COPG2: variants seen among roughly 807,000 people sequenced by gnomAD.
COPG2 encodes coatomer subunit gamma-2.
A neutral mutation model predicts 46.3 loss-of-function variants in COPG2; 37 were observed. The ratio of observed to expected loss-of-function variants is 0.80; its 90% CI spans 0.61 to 1.05. The LOEUF (loss-of-function observed/expected upper bound fraction) is 1.05. Among genes scored for constraint, COPG2 ranks in the 50% least tolerant of loss-of-function variants. The pLI, the probability that COPG2 is intolerant of heterozygous loss-of-function variation, is 0.00. For missense variants in COPG2, 427 were observed against 387.8 expected (o/e 1.10, Z -0.85); for synonymous variants, 159 against 129.7 (o/e 1.23, Z -1.53).
At chr7:130,583,352 G>A (rs1445940466) in intron 9 of COPG2, among the ~76,000 whole-genome samples, 1 of 150,090 alleles carries the variant, frequency 6.7e-6, no homozygotes, top group Admixed American at 6.7e-5. Flanking sequence ...TGTGGGGGGT[G>A]GGGGGAGTGG....
chr7:130,569,909 G>C (rs1793867180), intron 9 of COPG2, among the ~76,000 whole-genome samples: 2 of 152,104 alleles, frequency 1.3e-5, no homozygotes, highest in African/African-American at 4.8e-5. Context: ...ACATACGCAA[G>C]TCAATAAATG....
chr7:130,609,663 G>A (rs781893212), intron 9 of COPG2, among the ~76,000 whole-genome samples: 3 of 151,920 alleles, frequency 2.0e-5, no homozygotes, highest in Non-Finnish European at 4.4e-5. Flanking sequence ...TATTCCCTAG[G>A]CTTCAGATGT....
At chr7:130,654,570 A>G (rs1021102668) in intron 4 of COPG2, among the ~76,000 whole-genome samples, 1 of 152,214 alleles carries the variant, frequency 6.6e-6, no homozygotes, top group African/African-American at 2.4e-5. Context: ...ATGTATATAT[A>G]CACATATGTT....
At chr7:130,649,101 C>A (rs1299974549) in intron 5 of COPG2, among the ~76,000 whole-genome samples, 10 of 152,290 alleles carry the variant, frequency 6.6e-5, no homozygotes, top group Admixed American at 4.6e-4. Context: ...TAGATAATCC[C>A]ATCTCTATTT....
Position 130,540,382 on chromosome 7 carries a change from C to T in COPG2, c.2149+7292G>A, listed in dbSNP as rs1385345903. ...AACAAAGGGGGAAGTTTCTGCAGGC[C>T]GATCTTGTAAGGGATCTGAAAAAAG... is the stretch of plus-strand genomic sequence containing the variant. On this transcript the variant is annotated intron_variant, in intron 20 of 23. Transcript: ENST00000425248. 1.3e-4 allele frequency among the ~76,000 whole-genome samples: 19 copies of T among 151,712 alleles called. No homozygotes were observed. In the East Asian group the frequency reaches 2.5e-3, roughly 20 times the overall value.
In COPG2 at chr7:130,506,590, A is replaced by G. The variant is rs1343223289; in HGVS notation, c.*86T>C. ...TTCTCCAAAGTCATTCATCTTCAAA[A>G]GTCTGATTCTGGGAAACTGATGCCA... On this transcript the variant is annotated 3_prime_UTR_variant, in exon 24 of 24. Transcript: ENST00000425248. 2 of 544,962 alleles carry G rather than the reference A, an allele frequency of 3.7e-6. No individual in the cohort carries two copies. The highest frequency in any genetic ancestry group is 6.7e-6 in the Non-Finnish European group (2 of 300,492). 33.8% of individuals were successfully genotyped at this position (544,962 alleles called of 1,614,324 possible). A position where few individuals can be genotyped will look rare whatever the true frequency, so the allele number is the denominator to read the frequency against.
At chr7:130,635,799 G>A (rs987395721) in intron 5 of COPG2, among the ~76,000 whole-genome samples, 2 of 152,132 alleles carry the variant, frequency 1.3e-5, no homozygotes, top group Non-Finnish European at 2.9e-5. Flanking sequence ...TGATATTGGG[G>A]TGTAGATTTT....
At chr7:130,577,154 T>G in intron 9 of COPG2, among the ~76,000 whole-genome samples, 1 of 152,100 alleles carries the variant, frequency 6.6e-6, no homozygotes, top group Non-Finnish European at 1.5e-5. Context: ...CCAGAATGAT[T>G]GAGAAGGAGG....
At chr7:130,565,915 GA>G (rs1308645180) in intron 9 of COPG2, among the ~76,000 whole-genome samples, 1 of 151,890 alleles carries the variant, frequency 6.6e-6, no homozygotes, top group African/African-American at 2.4e-5. Flanking sequence ...AAAGAAGGAA[GA>G]AAAATGAACA....
In COPG2 at chr7:130,513,306, A is replaced by AT. The variant is rs1262964518; in HGVS notation, c.2150-4648_2150-4647insA. 3.6e-3 allele frequency among the ~76,000 whole-genome samples: 176 copies of AT among 48,666 alleles called. 6 individuals carry two copies. The highest frequency in any genetic ancestry group is 0.02 in the East Asian group (34 of 1,670). 31.9% of individuals were successfully genotyped at this position (48,666 alleles called of 152,430 possible). On this transcript the variant is annotated intron_variant, in intron 20 of 23. Transcript: ENST00000425248. ...AATTCTGTCTAAAAAAAAAAAAAAA[A>AT]AAATATATATATATATATATATATA... is the stretch of plus-strand genomic sequence containing the variant.
chr7:130,549,240 T>G (rs2116383812), intron 18 of COPG2, 74 bp downstream of exon 18: 1 of 398,234 alleles, frequency 2.5e-6, no homozygotes, highest in East Asian at 3.6e-5. Context: ...TCAATTTGAG[T>G]AAGACTGGTA....
chr7:130,662,139 G>A (rs1224472858), intron 4 of COPG2, among the ~76,000 whole-genome samples: 1 of 152,132 alleles, frequency 6.6e-6, no homozygotes, highest in Admixed American at 6.5e-5. Context: ...TATCCCATAT[G>A]TGAGGAAATT....
At chr7:130,626,013 T>C (rs1353233555) in intron 5 of COPG2, among the ~76,000 whole-genome samples, 1 of 152,216 alleles carries the variant, frequency 6.6e-6, no homozygotes, top group Non-Finnish European at 1.5e-5. Flanking sequence ...ACTGATGGGG[T>C]ACACAGTGAT....
chr7:130,613,330 T>G (rs1199300550), intron 7 of COPG2, among the ~76,000 whole-genome samples: 2 of 152,212 alleles, frequency 1.3e-5, no homozygotes, highest in Non-Finnish European at 2.9e-5. Context: ...CACCACCTGC[T>G]GTGCAGCCCA....
intron 10 of COPG2, among the ~76,000 whole-genome samples, chr7:130,563,687 G>A (rs1240399242): frequency 7.2e-6 from 1 of 139,054 alleles, no homozygotes; most frequent in Non-Finnish European, 1.5e-5. Flanking sequence ...CCAGGAGGCA[G>A]AGCTTGCAGT....
intron 12 of COPG2, among the ~76,000 whole-genome samples, chr7:130,560,394 TAA>T (rs1793699542): frequency 6.6e-6 from 1 of 152,136 alleles, no homozygotes; most frequent in African/African-American, 2.4e-5. Context: ...AAAATAATGT[TAA>T]GATGTCAGTT....
intron 5 of COPG2, chr7:130,645,561 G>A (rs150086729): frequency 0.011 from 2,022 of 190,828 alleles, 17 homozygotes; most frequent in Non-Finnish European, 0.013. Flanking sequence ...GTGAAGCCCC[G>A]GCACCCACCC....
At chr7:130,528,959 A>C (rs1275257400) in intron 20 of COPG2, among the ~76,000 whole-genome samples, 1 of 152,118 alleles carries the variant, frequency 6.6e-6, no homozygotes, top group Non-Finnish European at 1.5e-5. Context: ...GAAGGACAGG[A>C]GGGAGGATGG....
chr7:130,587,294 G>A (rs1554448141), intron 9 of COPG2, among the ~76,000 whole-genome samples: 1 of 151,854 alleles, frequency 6.6e-6, no homozygotes, highest in South Asian at 2.1e-4. Flanking sequence ...GCGATAGAGT[G>A]AGACTCCATC....
Sources: allele counts gnomAD v4.1 joint callset (sites outside exome capture counted in the v4.1 genomes callset), GRCh38; gene constraint gnomAD v4.1.1; transcripts MANE v1.5; gene names NCBI Gene and HGNC (gene_info 2026-07-23, HGNC 2026-07-21).